Variants in RIMS3 observed in about 807,000 individuals in gnomAD.
The protein encoded by RIMS3 is regulating synaptic membrane exocytosis 3, also known as regulating synaptic membrane exocytosis protein 3.
In RIMS3, 15 loss-of-function variants were observed where a neutral mutation model predicts 29.2. The ratio of observed to expected loss-of-function variants is 0.51; its 90% confidence interval spans 0.34 to 0.79. RIMS3 has a LOEUF of 0.79. Ranked by LOEUF, RIMS3 falls within the 30% of genes least tolerant of loss-of-function variation. The probability of loss-of-function intolerance (pLI) is 0.01; values close to 1 mark genes in which losing one functional copy is unlikely to be tolerated. For synonymous variants in RIMS3, 161 were observed against 170.1 expected (o/e 0.95, Z 0.41); for missense variants, 342 against 421.4 (o/e 0.81, Z 1.65).
At chr1:40,667,813 A>G (rs1033355227), upstream of RIMS3, among the ~76,000 whole-genome samples, 1 of 150,350 alleles carries the variant, frequency 6.7e-6, no homozygotes, top group African/African-American at 2.5e-5. Context: ...CAGCCCCACA[A>G]GGGAATTCAA....
intron 1 of RIMS3, among the ~76,000 whole-genome samples, chr1:40,660,532 C>T (rs1642337058): frequency 6.6e-6 from 1 of 151,976 alleles, no homozygotes; most frequent in Admixed American, 6.6e-5. Flanking sequence ...CAAGCGCCAC[C>T]ATGCCCAGCT....
intron 2 of RIMS3, among the ~76,000 whole-genome samples, chr1:40,646,882 CTT>C (rs200219484): frequency 8.9e-4 from 129 of 144,436 alleles, no homozygotes; most frequent in Non-Finnish European, 1.2e-3. Flanking sequence ...AACCAGATAA[CTT>C]TTTTTTTTTT....
the RIMS3 span, among the ~76,000 whole-genome samples, chr1:40,685,337 TTATATTATATATATATTATATAATATA>T: frequency 5.6e-5 from 3 of 53,636 alleles, no homozygotes; most frequent in African/African-American, 9.2e-5. Flanking sequence ...TATAATATAA[TTATATTATATATATATTATATAATATA>T]ATATATATTA....
At chr1:40,691,517 G>T in the RIMS3 span, 1 of 300,374 alleles carries the variant, frequency 3.3e-6, no homozygotes, top group Non-Finnish European at 6.6e-6. Flanking sequence ...GAAAGGGGGC[G>T]GGGTCAAAAC....
chr1:40,661,918 G>A (rs559273114), intron 1 of RIMS3, among the ~76,000 whole-genome samples: 85 of 152,324 alleles, frequency 5.6e-4, no homozygotes, highest in Non-Finnish European at 7.9e-4. Context: ...ATACAGCTTA[G>A]ACCAGAGAGA....
At chr1:40,668,550 G>C (rs1191311509), upstream of RIMS3, among the ~76,000 whole-genome samples, 1 of 150,410 alleles carries the variant, frequency 6.6e-6, no homozygotes, top group African/African-American at 2.5e-5. Flanking sequence ...AAGTCTTTTG[G>C]GGAAATTACA....
chr1:40,676,861 G>A, the RIMS3 span, among the ~76,000 whole-genome samples: 1 of 152,090 alleles, frequency 6.6e-6, no homozygotes, highest in Admixed American at 6.5e-5. Flanking sequence ...AACTCAGGCA[G>A]GATGGACAAG....
chr1:40,690,121 A>G, the RIMS3 span, among the ~76,000 whole-genome samples: 1 of 152,242 alleles, frequency 6.6e-6, no homozygotes, highest in Admixed American at 6.5e-5. Context: ...AAGTGTGATC[A>G]ATACTTAATT....
upstream of RIMS3, chr1:40,669,029 G>C (rs767513431): frequency 2.6e-5 from 4 of 152,288 alleles, no homozygotes; most frequent in Non-Finnish European, 2.9e-5. Flanking sequence ...TGGCACAGCC[G>C]AGCCGAAGTC....
chr1:40,671,970 C>G, the RIMS3 span, among the ~76,000 whole-genome samples: 1 of 151,800 alleles, frequency 6.6e-6, no homozygotes, highest in Non-Finnish European at 1.5e-5. Context: ...GTTGCCCAGG[C>G]TGGTCTCGAA....
rs2148348432 is a variant in RIMS3, at chr1:40,638,216, G to A, written c.218-2159C>T. 1.3e-5 allele frequency among the ~76,000 whole-genome samples: 2 copies of A among 152,220 alleles called. 1 individual carries two copies. The highest frequency in any genetic ancestry group is 4.2e-4 in the South Asian group (2 of 4,814). ...GATCAGGCCCACAGACTCCCAGTCT[G>A]CTGTCATGCTCTTTTCACTCCCCTC... is the stretch of plus-strand genomic sequence containing the variant. On this transcript the variant is annotated intron_variant, in intron 3 of 7. Transcript: ENST00000372684.
chr1:40,653,051 G>T (rs771369865), intron 1 of RIMS3, among the ~76,000 whole-genome samples: 7 of 152,190 alleles, frequency 4.6e-5, no homozygotes, highest in Non-Finnish European at 1.0e-4. Flanking sequence ...TGAGGTCCTA[G>T]CGGAAAAAGC....
the RIMS3 span, among the ~76,000 whole-genome samples, chr1:40,683,014 T>C: frequency 8.6e-3 from 1,307 of 152,188 alleles, 15 homozygotes; most frequent in African/African-American, 0.03. Flanking sequence ...CATGAGTCAC[T>C]GTGCCTGGCT....
intron 2 of RIMS3, among the ~76,000 whole-genome samples, chr1:40,646,426 C>T (rs1354290342): frequency 3.3e-5 from 5 of 152,128 alleles, no homozygotes; most frequent in South Asian, 2.1e-4. Context: ...TGATTCCAAA[C>T]GATTGCTAAA....
intron 2 of RIMS3, among the ~76,000 whole-genome samples, chr1:40,647,221 A>G (rs1280771615): frequency 2.0e-5 from 3 of 152,150 alleles, no homozygotes; most frequent in Non-Finnish European, 4.4e-5. Flanking sequence ...CAAAAGCTCA[A>G]GATGAACCTA....
intron 1 of RIMS3, among the ~76,000 whole-genome samples, chr1:40,661,072 G>C (rs1318306869): frequency 1.3e-5 from 2 of 152,086 alleles, no homozygotes; most frequent in African/African-American, 4.8e-5. Context: ...GCTCCTCCTA[G>C]GTGGAGACTT....
chr1:40,657,223 C>T (rs187874772), intron 1 of RIMS3, among the ~76,000 whole-genome samples: 39 of 152,300 alleles, frequency 2.6e-4, no homozygotes, highest in African/African-American at 1.4e-4. Context: ...AGAGACTTGA[C>T]GTCCACCCAG....
chr1:40,691,602 C>T, the RIMS3 span: 1 of 365,578 alleles, frequency 2.7e-6, no homozygotes, highest in Non-Finnish European at 5.6e-6. Flanking sequence ...GTCGTCGCCC[C>T]TTCCCAATTC....
chr1:40,666,920 G>A (rs142937399), upstream of RIMS3, among the ~76,000 whole-genome samples: 300 of 152,272 alleles, frequency 2.0e-3, 1 homozygote, highest in African/African-American at 7.1e-3. Flanking sequence ...AGCTACTCGG[G>A]AGGCTGAGGT....
Sources: gnomAD v4.1 joint callset for allele counts (sites outside exome capture counted in the v4.1 genomes callset) on GRCh38, gnomAD v4.1.1 for gene constraint, MANE v1.5 for transcripts, NCBI Gene and HGNC (gene_info 2026-07-23, HGNC 2026-07-21) for gene names.